FOXL2NB: variants seen among roughly 807,000 people sequenced by gnomAD.
FOXL2NB encodes FOXL2 neighbor.
Under a neutral mutation model 7.4 loss-of-function variants are expected in FOXL2NB, and 10 were observed. The ratio of observed to expected loss-of-function variants is 1.34; its 90% confidence interval spans 0.83 to 2.28. FOXL2NB has a LOEUF of 2.28. Among genes scored for constraint, FOXL2NB ranks in the 30% most tolerant of loss-of-function variants. The pLI is 0.00. For missense variants in FOXL2NB, 228 were observed against 233.9 expected (o/e 0.97, Z 0.17); for synonymous variants, 104 against 105.3 (o/e 0.99, Z 0.08).
chr3:138,949,582 G>C lies in FOXL2NB; in HGVS notation c.163G>C (p.Gly55Arg). 1 of 1,613,876 alleles carries C rather than the reference G, an allele frequency of 6.2e-7. No individual in the cohort carries two copies. Among genetic ancestry groups the C allele is most frequent in the Non-Finnish European group, 8.5e-7 (1 of 1,179,772 alleles). The change falls in exon 2 of 3, where the codon GGT becomes CGT. Residue 55 changes from glycine (G) to arginine (R), a missense_variant. Gly to Arg is a moderately radical substitution (Grantham distance 125). Transcript: ENST00000383165. The surrounding 1 kb of genome is among the most constrained non-coding windows in gnomAD (Gnocchi z 4.5). ...DACTLGRAGI[G>R]LPKMCLHMAV... ...GTGCACCCTGGGAAGGGCTGGAATC[G>C]GTCTCCCCAAGATGTGCCTTCACAT... is the stretch of plus-strand genomic sequence containing the variant.
Position 138,950,252 on chromosome 3 carries a change from CT to C in FOXL2NB, c.221-9del. On this transcript the variant is annotated splice_polypyrimidine_tract_variant and intron_variant, in intron 2 of 2. Transcript: ENST00000383165. ...AATCTACACGGCTCTGATACAGACG[CT>C]TTTCTCCCCAGGGCCGGGAATCCTG... 1 of 1,602,250 alleles carries C rather than the reference CT, an allele frequency of 6.2e-7. No homozygotes were observed. Among genetic ancestry groups the C allele is most frequent in the Non-Finnish European group, 8.5e-7 (1 of 1,176,232 alleles).
In FOXL2NB at chr3:138,950,405, G is replaced by C. The variant is rs767863605; in HGVS notation, c.361G>C (p.Gly121Arg). ...ACTCAGCTCGTCCCGCGCCGCCGCC[G>C]GCTGCCTGAACCAGGTTCCGCTGTC... is the stretch of plus-strand genomic sequence containing the variant. ...EPLSSSRAAA[G>R]CLNQVPLSPF... Residue 121 changes from glycine (G) to arginine (R), a missense_variant, in exon 3 of 3, where the codon GGC (glycine) becomes CGC (arginine). By Grantham distance (125) the Gly-to-Arg change is moderately radical. Coordinates refer to ENST00000383165, the MANE Select transcript of FOXL2NB (RefSeq NM_001040061.3). The C allele has an allele frequency of 3.7e-6, 6 of 1,613,460 alleles. No homozygotes were observed. The Admixed American group carries it at 1.0e-4, about 27-fold the overall frequency.
At position 138,951,775 on chromosome 3, in the gene FOXL2NB, G is replaced by C. The variant is rs193273573; in HGVS notation, c.*1203G>C. On this transcript the variant is annotated 3_prime_UTR_variant, in exon 3 of 3. Coordinates refer to ENST00000383165, the MANE Select transcript of FOXL2NB (RefSeq NM_001040061.3). The stretch of plus-strand genomic sequence containing the variant: ...GGAACATGATGTGTTCTTAAAAGTT[G>C]CCTTGTTGCCTTTCTCCACACCCAG... 2 of 152,400 alleles carry C rather than the reference G, an allele frequency of 1.3e-5. No individual in the cohort carries two copies. The highest frequency in any genetic ancestry group is 3.9e-4 in the East Asian group (2 of 5,170). The allele number at this position is 152,400 out of a possible 1,614,324, so 9.4% of individuals were successfully genotyped here.
rs934683305 is a variant in FOXL2NB, at chr3:138,947,305, C to T, written c.-60C>T. On this transcript the variant is annotated 5_prime_UTR_variant, in exon 1 of 3. Coordinates refer to ENST00000383165, the MANE Select transcript of FOXL2NB (RefSeq NM_001040061.3). The surrounding 1 kb of genome is among the most constrained non-coding windows in gnomAD (Gnocchi z 5.2). ...CAGCGAGCCTCAGGGGCCCAGCCGACAGCCAGGCTCACGCGCCCTTGAAAT... is the reference window on the plus strand; with the variant it reads ...CAGCGAGCCTCAGGGGCCCAGCCGATAGCCAGGCTCACGCGCCCTTGAAAT... The T allele has an allele frequency of 5.1e-6, 7 of 1,384,778 alleles. No individual in the cohort carries two copies. The highest frequency in any genetic ancestry group is 2.3e-4 in the Middle Eastern group (1 of 4,266). The allele number at this position is 1,384,778 out of a possible 1,614,324, so 85.8% of individuals were successfully genotyped here.
In FOXL2NB at chr3:138,950,526, C is replaced by T. The variant is rs1215047177; in HGVS notation, c.482C>T (p.Pro161Leu). 3.1e-5 allele frequency: 50 copies of T among 1,614,108 alleles called. No homozygotes were observed. The highest frequency in any genetic ancestry group is 4.2e-5 in the Non-Finnish European group (49 of 1,180,046). Residue 161 changes from proline to leucine, a missense_variant, in exon 3 of 3, where the codon CCT becomes CTT. Pro to Leu is a moderately conservative substitution (Grantham distance 98). Transcript: ENST00000383165. ...GCAACCCTCTGCTTGGAGGGATGGC[C>T]TCTGCGGTGCTTGGCTAGCAAAGGG... ...LAATLCLEGW[P>L]LRCLASKGKL...
Position 138,950,412 on chromosome 3 carries a change from T to C in FOXL2NB, c.368T>C (p.Leu123Pro). ...TCGTCCCGCGCCGCCGCCGGCTGCC[T>C]GAACCAGGTTCCGCTGTCCCCTTTC... ...LSSSRAAAGC[L>P]NQVPLSPFLA... Residue 123 changes from leucine to proline, a missense_variant, in exon 3 of 3, where the codon CTG becomes CCG. Leu to Pro is a moderately conservative substitution (Grantham distance 98). Transcript: ENST00000383165. The C allele has an allele frequency of 6.2e-7, 1 of 1,613,692 alleles. No homozygotes were observed. Among genetic ancestry groups the C allele is most frequent in the Non-Finnish European group, 8.5e-7 (1 of 1,180,002 alleles).
Position 138,947,691 on chromosome 3 carries a change from C to T in FOXL2NB, c.100+227C>T. The T allele has an allele frequency of 1.5e-6, 2 of 1,295,542 alleles. No homozygotes were observed. Among genetic ancestry groups the T allele is most frequent in the Non-Finnish European group, 9.8e-7 (1 of 1,023,966 alleles). 80.3% of individuals were successfully genotyped at this position (1,295,542 alleles called of 1,614,324 possible). The stretch of plus-strand genomic sequence containing the variant: ...TCAGAGTGACTGGGCTGGAATGGGG[C>T]AGGGGAGAGGATCTCTGGAAATAGT... On this transcript the variant is annotated intron_variant, in intron 1 of 2. Coordinates refer to ENST00000383165, the MANE Select transcript of FOXL2NB (RefSeq NM_001040061.3). This position sits in a 1 kb window ranked among gnomAD's most constrained non-coding sequence, Gnocchi z 5.2.
Position 138,947,317 on chromosome 3 carries a change from C to G in FOXL2NB, c.-48C>G. 6.8e-7 allele frequency: 1 copy of G among 1,462,100 alleles called. No homozygotes were observed. Among genetic ancestry groups the G allele is most frequent in the Non-Finnish European group, 9.3e-7 (1 of 1,074,624 alleles). 90.6% of individuals were successfully genotyped at this position (1,462,100 alleles called of 1,614,324 possible). ...GGGGCCCAGCCGACAGCCAGGCTCA[C>G]GCGCCCTTGAAATCTGCCGGTACTC... On this transcript the variant is annotated 5_prime_UTR_variant, in exon 1 of 3. Coordinates refer to ENST00000383165, the MANE Select transcript of FOXL2NB (RefSeq NM_001040061.3). This position sits in a 1 kb window ranked among gnomAD's most constrained non-coding sequence, Gnocchi z 5.2.
chr3:138,947,851 C>CT lies in FOXL2NB; in HGVS notation c.100+387_100+388insT, dbSNP rs1261285824. ...GTGCTTTAACAGCACCAAGTAGATGCCCCTCAGCTATTGCACTAACACAGG... is the reference window on the plus strand; with the variant it reads ...GTGCTTTAACAGCACCAAGTAGATGCTCCCTCAGCTATTGCACTAACACAGG... On this transcript the variant is annotated intron_variant, in intron 1 of 2. Transcript: ENST00000383165. The surrounding 1 kb of genome is among the most constrained non-coding windows in gnomAD (Gnocchi z 5.2). 1.1e-4 allele frequency: 107 copies of CT among 1,009,862 alleles called. No homozygotes were observed. The highest frequency in any genetic ancestry group is 2.2e-5 in the Non-Finnish European group (19 of 846,188). 62.6% of individuals were successfully genotyped at this position (1,009,862 alleles called of 1,614,324 possible).
Position 138,949,930 on chromosome 3 carries a change from C to T in FOXL2NB, c.220+291C>T, listed in dbSNP as rs1021078315. The T allele has an allele frequency of 2.9e-6, 2 of 691,456 alleles. No homozygotes were observed. The highest frequency in any genetic ancestry group is 1.8e-5 in the African/African-American group (1 of 57,058). 42.8% of individuals were successfully genotyped at this position (691,456 alleles called of 1,614,324 possible). A position where few individuals can be genotyped will look rare whatever the true frequency, so the allele number is the denominator to read the frequency against. ...GGTTTTGTGGACGCCAGGGCCGGTT[C>T]CTTTTCTCCCCGCGGCATTGGGGCG... On this transcript the variant is annotated intron_variant, in intron 2 of 2. Coordinates refer to ENST00000383165, the MANE Select transcript of FOXL2NB (RefSeq NM_001040061.3). This position sits in a 1 kb window ranked among gnomAD's most constrained non-coding sequence, Gnocchi z 4.5.
At chr3:138,950,242 G>C in intron 2 of FOXL2NB, 23 bp from the exon 3 acceptor site, 1 of 1,604,138 alleles carries the variant, frequency 6.2e-7, no homozygotes, top group South Asian at 1.1e-5. Context: ...ACACGGCTCT[G>C]ATACAGACGC....
In FOXL2NB at chr3:138,953,569, C is replaced by G. The variant is rs908654235; in HGVS notation, c.*2997C>G. On this transcript the variant is annotated 3_prime_UTR_variant, in exon 3 of 3. Coordinates refer to ENST00000383165, the MANE Select transcript of FOXL2NB (RefSeq NM_001040061.3). Reference sequence around the variant, plus strand: ...TAGCCTTGTTCCATATTTTTGTATGCAGTATAACTTACAGATGGTAAACAA... The same window carrying G: ...TAGCCTTGTTCCATATTTTTGTATGGAGTATAACTTACAGATGGTAAACAA... The G allele has an allele frequency of 6.6e-6, 1 of 152,144 alleles. No homozygotes were observed. The highest frequency in any genetic ancestry group is 2.4e-5 in the African/African-American group (1 of 41,412). The allele number at this position is 152,144 out of a possible 1,614,324, so 9.4% of individuals were successfully genotyped here. A position where few individuals can be genotyped will look rare whatever the true frequency, so the allele number is the denominator to read the frequency against.
In FOXL2NB at chr3:138,947,247, G is replaced by C; in HGVS notation, c.-118G>C. 1.3e-6 allele frequency: 1 copy of C among 782,852 alleles called. No homozygotes were observed. The highest frequency in any genetic ancestry group is 1.7e-5 in the South Asian group (1 of 59,192). 48.5% of individuals were successfully genotyped at this position (782,852 alleles called of 1,614,324 possible). A position where few individuals can be genotyped will look rare whatever the true frequency, so the allele number is the denominator to read the frequency against. On this transcript the variant is annotated 5_prime_UTR_variant, in exon 1 of 3. Transcript: ENST00000383165. This position sits in a 1 kb window ranked among gnomAD's most constrained non-coding sequence, Gnocchi z 5.2. ...CATCTCCAAGTCACTTTTTGTAAACGCCCCGCACAGCCTGGACCGGCCTGC... is the reference window on the plus strand; with the variant it reads ...CATCTCCAAGTCACTTTTTGTAAACCCCCCGCACAGCCTGGACCGGCCTGC...
In FOXL2NB at chr3:138,947,604, G is replaced by A; in HGVS notation, c.100+140G>A. 1 of 1,418,410 alleles carries A rather than the reference G, an allele frequency of 7.1e-7. No homozygotes were observed. Among genetic ancestry groups the A allele is most frequent in the South Asian group, 1.6e-5 (1 of 64,282 alleles). The allele number at this position is 1,418,410 out of a possible 1,614,324, so 87.9% of individuals were successfully genotyped here. Reference sequence around the variant, plus strand: ...AGAGCTGCTCTGAGGCTTTGGGAAAGTCAGCCCAGAAACGGGTGTGACTGT... The same window carrying A: ...AGAGCTGCTCTGAGGCTTTGGGAAAATCAGCCCAGAAACGGGTGTGACTGT... On this transcript the variant is annotated intron_variant, in intron 1 of 2. Coordinates refer to ENST00000383165, the MANE Select transcript of FOXL2NB (RefSeq NM_001040061.3). The surrounding 1 kb of genome is among the most constrained non-coding windows in gnomAD (Gnocchi z 5.2).
Position 138,947,343 on chromosome 3 carries a change from G to T in FOXL2NB, c.-22G>T. 1 of 1,538,294 alleles carries T rather than the reference G, an allele frequency of 6.5e-7. No homozygotes were observed. The highest frequency in any genetic ancestry group is 8.8e-7 in the Non-Finnish European group (1 of 1,139,240). On this transcript the variant is annotated 5_prime_UTR_variant, in exon 1 of 3. Coordinates refer to ENST00000383165, the MANE Select transcript of FOXL2NB (RefSeq NM_001040061.3). This position sits in a 1 kb window ranked among gnomAD's most constrained non-coding sequence, Gnocchi z 5.2. Reference sequence around the variant, plus strand: ...GCGCCCTTGAAATCTGCCGGTACTCGCTCTGCGGGCTGGGCTGGGAGATGA... The same window carrying T: ...GCGCCCTTGAAATCTGCCGGTACTCTCTCTGCGGGCTGGGCTGGGAGATGA...
At position 138,950,897 on chromosome 3, in the gene FOXL2NB, A is replaced by C. The variant is rs58908753; in HGVS notation, c.*325A>C. The C allele has an allele frequency of 0.11, 34,355 of 323,748 alleles. 4,538 individuals carry two copies. Among genetic ancestry groups the C allele is most frequent in the African/African-American group, 0.38 (16,996 of 44,640 alleles). The allele number at this position is 323,748 out of a possible 1,614,324, so 20.1% of individuals were successfully genotyped here. On this transcript the variant is annotated 3_prime_UTR_variant, in exon 3 of 3. Transcript: ENST00000383165. The stretch of plus-strand genomic sequence containing the variant: ...CGCATCTCACGGTGCAGAAGGACCA[A>C]TGGGCTCCAGGTTTACAAGCCTGAC...
At position 138,949,372 on chromosome 3, in the gene FOXL2NB, CTGTG is replaced by C. The variant is rs1251125206; in HGVS notation, c.101-142_101-139del. The C allele has an allele frequency of 4.6e-5, 41 of 882,954 alleles. No homozygotes were observed. The East Asian group carries it at 1.1e-3, about 24-fold the overall frequency. The allele number at this position is 882,954 out of a possible 1,614,324, so 54.7% of individuals were successfully genotyped here. ...GCTCCCTTTTCAGCCTTTAAAGAGC[CTGTG>C]TGTGTATGCATGTGCGTGTGTGTGT... is the stretch of plus-strand genomic sequence containing the variant. On this transcript the variant is annotated intron_variant, in intron 1 of 2. Transcript: ENST00000383165. This position sits in a 1 kb window ranked among gnomAD's most constrained non-coding sequence, Gnocchi z 4.5.
In FOXL2NB at chr3:138,947,795, A is replaced by C; in HGVS notation, c.100+331A>C. 1.8e-6 allele frequency: 2 copies of C among 1,087,358 alleles called. No homozygotes were observed. Among genetic ancestry groups the C allele is most frequent in the African/African-American group, 1.7e-5 (1 of 59,812 alleles). The allele number at this position is 1,087,358 out of a possible 1,614,324, so 67.4% of individuals were successfully genotyped here. A position where few individuals can be genotyped will look rare whatever the true frequency, so the allele number is the denominator to read the frequency against. ...CTAGGAACCAGGAATCCGTGTACTA[A>C]TCCTACGGGGTTGGAGTGAAGGTTG... On this transcript the variant is annotated intron_variant, in intron 1 of 2. Coordinates refer to ENST00000383165, the MANE Select transcript of FOXL2NB (RefSeq NM_001040061.3). This position sits in a 1 kb window ranked among gnomAD's most constrained non-coding sequence, Gnocchi z 5.2.
In FOXL2NB at chr3:138,950,643, T is replaced by G. The variant is rs1936112960; in HGVS notation, c.*71T>G. On this transcript the variant is annotated 3_prime_UTR_variant, in exon 3 of 3. Transcript: ENST00000383165. ...CCCTCCCGGCCCCTCACAGGGCCCTTTGCACCCACACCTCAGGGACTCGGT... is the reference window on the plus strand; with the variant it reads ...CCCTCCCGGCCCCTCACAGGGCCCTGTGCACCCACACCTCAGGGACTCGGT... 1 of 1,523,898 alleles carries G rather than the reference T, an allele frequency of 6.6e-7. No individual in the cohort carries two copies. The highest frequency in any genetic ancestry group is 2.3e-5 in the East Asian group (1 of 44,150). 94.4% of individuals were successfully genotyped at this position (1,523,898 alleles called of 1,614,324 possible).
Sources: allele counts gnomAD v4.1 joint callset, GRCh38; gene constraint gnomAD v4.1.1; non-coding constraint Gnocchi (gnomAD v3.1); transcripts MANE v1.5; gene names NCBI Gene and HGNC (gene_info 2026-07-23, HGNC 2026-07-21).